The following APMAP variants were observed in gnomAD, a reference collection of about 807,000 sequenced individuals.
APMAP encodes adipocyte plasma membrane associated protein.
In APMAP, 33 loss-of-function variants were observed where a neutral mutation model predicts 43.6. The observed-to-expected ratio is 0.76, with a 90% confidence interval of 0.57 to 1.01. The LOEUF is 1.01. Ranked by LOEUF, APMAP falls within the 50% of genes least tolerant of loss-of-function variation. APMAP has a pLI of 0.00. For missense variants in APMAP, 498 were observed against 540.7 expected (o/e 0.92, Z 0.78); for synonymous variants, 224 against 216.7 (o/e 1.03, Z -0.30).
At chr20:24,979,208 A>T (rs1600286556) in intron 2 of APMAP, among the ~76,000 whole-genome samples, 1 of 151,560 alleles carries the variant, frequency 6.6e-6, no homozygotes, top group African/African-American at 2.4e-5. Flanking sequence ...GGACCTCCTC[A>T]CCCCTGTGAC....
At chr20:24,992,480 C>A (rs1241144107) in intron 1 of APMAP, 114 bp downstream of exon 1, 3 of 842,892 alleles carry the variant, frequency 3.6e-6, no homozygotes, top group Non-Finnish European at 1.6e-6. Context: ...ACTCTGACAA[C>A]GCGCTCGGCA....
intron 1 of APMAP, among the ~76,000 whole-genome samples, chr20:24,987,401 G>A (rs374254485): frequency 1.2e-4 from 19 of 152,294 alleles, no homozygotes; most frequent in African/African-American, 4.3e-4. Flanking sequence ...ACCCTGAGAT[G>A]AGCAGGCATG....
chr20:24,968,375 C>G lies in APMAP; in HGVS notation c.1041+517G>C, dbSNP rs569867288. 1.9e-4 allele frequency among the ~76,000 whole-genome samples: 29 copies of G among 152,264 alleles called. No homozygotes were observed. The South Asian group carries it at 4.8e-3, about 25-fold the overall frequency. ...GAACTCCATAGAGAAGAGTGCCTGG[C>G]AGTGAGGCTGCAAGAAGGCAGCAGG... On this transcript the variant is annotated intron_variant, in intron 8 of 8. Coordinates refer to ENST00000217456, the MANE Select transcript of APMAP (RefSeq NM_020531.3).
chr20:24,979,627 T>C lies in APMAP; in HGVS notation c.213-745A>G, dbSNP rs570047628. On this transcript the variant is annotated intron_variant, in intron 2 of 8. Coordinates refer to ENST00000217456, the MANE Select transcript of APMAP (RefSeq NM_020531.3). Reference sequence around the variant, plus strand: ...CTTACAACCCTGGCTGGGGCCACCATCCTCTCGCCTCGCCCCTGCTCCCTC... The same window carrying C: ...CTTACAACCCTGGCTGGGGCCACCACCCTCTCGCCTCGCCCCTGCTCCCTC... Among the ~76,000 whole-genome samples the C allele has an allele frequency of 1.2e-4, 19 of 152,172 alleles. No individual in the cohort carries two copies. The Middle Eastern group carries it at 0.014, about 109-fold the overall frequency.
chr20:24,974,251 A>T (rs4815355), intron 3 of APMAP: 73,957 of 152,166 alleles, frequency 0.49, 19,351 homozygotes, highest in East Asian at 0.92. Context: ...CAATGATGAT[A>T]CACAAATTCA....
At chr20:24,971,834 C>T (rs2088004138) in intron 4 of APMAP, among the ~76,000 whole-genome samples, 1 of 150,406 alleles carries the variant, frequency 6.6e-6, no homozygotes, top group Non-Finnish European at 1.5e-5. Context: ...GTGTTCACTG[C>T]AGGTGCTTAT....
At chr20:24,968,177 G>A (rs1181206433) in intron 8 of APMAP, among the ~76,000 whole-genome samples, 1 of 152,224 alleles carries the variant, frequency 6.6e-6, no homozygotes, top group Non-Finnish European at 1.5e-5. Context: ...CAGTGTAAAC[G>A]TGCTGAGTTA....
chr20:24,969,422 C>T (rs1186125220), intron 7 of APMAP, 104 bp downstream of exon 7: 9 of 1,466,170 alleles, frequency 6.1e-6, no homozygotes, highest in South Asian at 4.0e-5. Flanking sequence ...GCAGAAGGTG[C>T]GCTGCTGCCT....
At position 24,992,541 on chromosome 20, in the gene APMAP, C is replaced by G. The variant is rs183730615; in HGVS notation, c.95+53G>C. ...CCGTCGCCGCTGTCCAAGAGGGTCG[C>G]CCTCCACTCCTAGCGGCCCGGCTCC... On this transcript the variant is annotated intron_variant, in intron 1 of 8. Transcript: ENST00000217456. 7.1e-6 allele frequency: 10 copies of G among 1,406,766 alleles called. No homozygotes were observed. In the South Asian group the frequency reaches 1.4e-4, roughly 20 times the overall value. The allele number at this position is 1,406,766 out of a possible 1,614,324, so 87.1% of individuals were successfully genotyped here. A position where few individuals can be genotyped will look rare whatever the true frequency, so the allele number is the denominator to read the frequency against.
chr20:24,966,396 C>T (rs919709290), intron 8 of APMAP, among the ~76,000 whole-genome samples: 2 of 152,200 alleles, frequency 1.3e-5, no homozygotes, highest in Non-Finnish European at 2.9e-5. Context: ...AGTAATTAGA[C>T]ATGAAAGAAC....
chr20:24,982,715 A>G (rs1389850493), intron 2 of APMAP, among the ~76,000 whole-genome samples: 1 of 151,890 alleles, frequency 6.6e-6, no homozygotes, highest in Non-Finnish European at 1.5e-5. Flanking sequence ...CCCCCACCTT[A>G]GCCAACTGGA....
Position 24,973,747 on chromosome 20 carries a change from A to G in APMAP, c.329-10T>C. 2 of 1,612,606 alleles carry G rather than the reference A, an allele frequency of 1.2e-6. No homozygotes were observed. Among genetic ancestry groups the G allele is most frequent in the Non-Finnish European group, 1.7e-6 (2 of 1,178,658 alleles). ...CCAGTAAACATCACATCTGTTTAAA[A>G]ACACAAAAAGGAGGAAGAGCAATGT... On this transcript the variant is annotated splice_polypyrimidine_tract_variant and intron_variant, in intron 3 of 8. Coordinates refer to ENST00000217456, the MANE Select transcript of APMAP (RefSeq NM_020531.3).
At chr20:24,984,461 C>T (rs1374871894) in intron 1 of APMAP, among the ~76,000 whole-genome samples, 7 of 152,176 alleles carry the variant, frequency 4.6e-5, no homozygotes, top group Non-Finnish European at 8.8e-5. Flanking sequence ...TACTATGCAG[C>T]CCTAAGATTC....
intron 8 of APMAP, among the ~76,000 whole-genome samples, chr20:24,965,375 T>G (rs891580751): frequency 6.6e-6 from 1 of 152,258 alleles, no homozygotes; most frequent in African/African-American, 2.4e-5. Context: ...GTAGCTGCAG[T>G]TCTCTTTAAA....
chr20:24,976,706 C>G (rs1407346646), intron 3 of APMAP, among the ~76,000 whole-genome samples: 2 of 152,176 alleles, frequency 1.3e-5, no homozygotes, highest in Non-Finnish European at 2.9e-5. Flanking sequence ...GAGCTGAAAA[C>G]TTAGGTCCAC....
chr20:24,971,839 G>T (rs1200043748), intron 4 of APMAP, among the ~76,000 whole-genome samples: 1 of 151,732 alleles, frequency 6.6e-6, no homozygotes, highest in African/African-American at 2.4e-5. Context: ...CACTGCAGGT[G>T]CTTATTGCAG....
At chr20:24,980,705 C>T (rs531043196) in intron 2 of APMAP, among the ~76,000 whole-genome samples, 32 of 151,124 alleles carry the variant, frequency 2.1e-4, no homozygotes, top group Admixed American at 5.3e-4. Context: ...CACTGGGCAG[C>T]GTGGCGTCAC....
intron 6 of APMAP, 34 bp downstream of exon 6, chr20:24,970,163 C>A (rs1373989847): frequency 1.6e-5 from 25 of 1,612,032 alleles, no homozygotes; most frequent in Non-Finnish European, 2.1e-5. Context: ...GGCTGGTGAA[C>A]TCAACAAATG....
At chr20:24,974,274 T>C (rs1207955864) in intron 3 of APMAP, 4 of 152,232 alleles carry the variant, frequency 2.6e-5, no homozygotes, top group African/African-American at 7.2e-5. Context: ...AAACATTCCA[T>C]AGTTTTCAAA....
Sources: allele counts gnomAD v4.1 joint callset (sites outside exome capture counted in the v4.1 genomes callset), GRCh38; gene constraint gnomAD v4.1.1; transcripts MANE v1.5; gene names NCBI Gene and HGNC (gene_info 2026-07-23, HGNC 2026-07-21).